Variants in HYDIN observed in about 807,000 individuals in gnomAD.
HYDIN encodes the protein HYDIN axonemal central pair apparatus protein, also known as axonemal central pair apparatus protein HYDIN.
HYDIN carries 132 observed loss-of-function variants against 403.9 expected under a neutral mutation model. The observed-to-expected ratio is 0.33, with a 90% confidence interval of 0.28 to 0.38. HYDIN has a LOEUF of 0.38. Ranked by LOEUF, HYDIN falls within the 10% of genes least tolerant of loss-of-function variation. The pLI, the probability that HYDIN is intolerant of heterozygous loss-of-function variation, is 1.00. For synonymous variants in HYDIN, 1,202 were observed against 1,891.7 expected, an observed-to-expected ratio of 0.64 and a Z score of 9.46; for missense variants, 2,827 against 5,009.5, an observed-to-expected ratio of 0.56 and a Z score of 13.15.
At chr16:70,946,482 T>C (rs1403998335) in intron 41 of HYDIN, among the ~76,000 whole-genome samples, 1 of 152,078 alleles carries the variant, frequency 6.6e-6, no homozygotes, top group Non-Finnish European at 1.5e-5. Context: ...TCCCCAGCTA[T>C]GTTCAGCTGG....
Position 70,818,328 on chromosome 16 carries a change from C to A in HYDIN, c.14658+14G>T, listed in dbSNP as rs762969260. The stretch of plus-strand genomic sequence containing the variant: ...ACAGCTCTCAGGGAGCCCCCGACAG[C>A]CAAGGGGCCGTACCTCGGAGTTGGC... On this transcript the variant is annotated intron_variant, in intron 84 of 85. Transcript: ENST00000393567. The A allele has an allele frequency of 2.1e-4, 343 of 1,601,866 alleles. No individual in the cohort carries two copies. Among genetic ancestry groups the A allele is most frequent in the Non-Finnish European group, 2.9e-4 (336 of 1,172,212 alleles).
At chr16:70,863,232 T>C in intron 67 of HYDIN, 50 bp from the exon 68 acceptor site, 2 of 1,578,646 alleles carry the variant, frequency 1.3e-6, no homozygotes, top group Non-Finnish European at 1.7e-6. Context: ...CAGGTGGTTT[T>C]GGTCCTGGCT....
intron 1 of HYDIN, among the ~76,000 whole-genome samples, chr16:71,214,479 G>T (rs2088768578): frequency 6.6e-6 from 1 of 152,112 alleles, no homozygotes; most frequent in Non-Finnish European, 1.5e-5. Context: ...ATTATTGGAG[G>T]ATTTTTGTAC....
At chr16:71,049,444 C>G (rs371039484) in intron 18 of HYDIN, among the ~76,000 whole-genome samples, 5 of 152,100 alleles carry the variant, frequency 3.3e-5, no homozygotes, top group African/African-American at 1.2e-4. Flanking sequence ...TCCAACATCC[C>G]CATGGGAGGA....
chr16:71,129,389 G>A (rs1472778295), intron 9 of HYDIN, among the ~76,000 whole-genome samples: 2 of 152,158 alleles, frequency 1.3e-5, no homozygotes, highest in African/African-American at 4.8e-5. Context: ...CAAATGAGAA[G>A]AACTGCATAA....
chr16:71,028,353 C>A (rs2080786610), intron 19 of HYDIN, among the ~76,000 whole-genome samples: 1 of 151,904 alleles, frequency 6.6e-6, no homozygotes, highest in Admixed American at 6.6e-5. Context: ...AGGGGGACTG[C>A]AATGGGCCAG....
rs1248678985 is a variant in HYDIN at position 70,879,594 on chromosome 16, G to C, written c.10367+11C>G. On this transcript the variant is annotated intron_variant, in intron 61 of 85. Coordinates refer to ENST00000393567, the MANE Select transcript of HYDIN (RefSeq NM_001270974.2). ...CTGCAGGAGAGGGAGCTGGGAGCTG[G>C]GAGTTGGTACCTGGGCAAGCCATCC... The C allele has an allele frequency of 6.2e-7, 1 of 1,613,330 alleles. No homozygotes were observed.
intron 65 of HYDIN, among the ~76,000 whole-genome samples, chr16:70,870,036 A>C (rs2040003514): frequency 6.6e-6 from 1 of 152,124 alleles, no homozygotes; most frequent in African/African-American, 2.4e-5. Context: ...TGTTTTAGCA[A>C]AGAGACTGGT....
In HYDIN at chr16:70,807,406, T is replaced by C. The variant is rs1344357323; in HGVS notation, c.*174A>G. 9 of 659,916 alleles carry C rather than the reference T, an allele frequency of 1.4e-5. No homozygotes were observed. Among genetic ancestry groups the C allele is most frequent in the African/African-American group, 1.8e-5 (1 of 54,992 alleles). 40.9% of individuals were successfully genotyped at this position (659,916 alleles called of 1,614,324 possible). A position where few individuals can be genotyped will look rare whatever the true frequency, so the allele number is the denominator to read the frequency against. ...TTGTGTGTAGTTATAATGTTTAATA[T>C]GGAATAGATATTTCATATCTATATT... On this transcript the variant is annotated 3_prime_UTR_variant, in exon 86 of 86. Transcript: ENST00000393567.
At chr16:71,211,169 G>A (rs367577280) in intron 1 of HYDIN, among the ~76,000 whole-genome samples, 3 of 152,064 alleles carry the variant, frequency 2.0e-5, no homozygotes, top group East Asian at 1.9e-4. Flanking sequence ...TCCTGGTGCT[G>A]AGCAGAAAAA....
chr16:71,037,232 G>A (rs535738318), intron 18 of HYDIN, among the ~76,000 whole-genome samples: 1 of 144,316 alleles, frequency 6.9e-6, no homozygotes, highest in South Asian at 2.2e-4. Flanking sequence ...ACAATGTTGG[G>A]CACAAAGCAA....
intron 18 of HYDIN, among the ~76,000 whole-genome samples, chr16:71,040,451 C>T (rs992263768): frequency 6.7e-6 from 1 of 148,886 alleles, no homozygotes; most frequent in South Asian, 2.2e-4. Flanking sequence ...GCCAGGAACC[C>T]CTTCATCAAA....
intron 84 of HYDIN, among the ~76,000 whole-genome samples, chr16:70,816,326 C>G (rs1335508789): frequency 6.6e-6 from 1 of 151,986 alleles, no homozygotes; most frequent in African/African-American, 2.4e-5. Flanking sequence ...TTAAGAAACT[C>G]TTCTAATAAC....
At chr16:70,947,385 G>A (rs1483776797) in intron 41 of HYDIN, among the ~76,000 whole-genome samples, 2 of 152,020 alleles carry the variant, frequency 1.3e-5, no homozygotes, top group Non-Finnish European at 2.9e-5. Flanking sequence ...TCCCAGGGAT[G>A]AAGCCCACTT....
chr16:71,093,166 A>G (rs1258321324), intron 11 of HYDIN, among the ~76,000 whole-genome samples: 1 of 152,168 alleles, frequency 6.6e-6, no homozygotes, highest in Non-Finnish European at 1.5e-5. Context: ...AACTTTCCCA[A>G]AATGAAGTTT....
intron 8 of HYDIN, among the ~76,000 whole-genome samples, chr16:71,130,470 G>GTTTTTTTTT (rs56853905): frequency 1.3e-5 from 1 of 75,786 alleles, no homozygotes. Context: ...ATATATACCG[G>GTTTTTTTTT]TTTTTTTTTT....
chr16:70,945,738 AG>A (rs1483152506), intron 41 of HYDIN, among the ~76,000 whole-genome samples: 1 of 152,080 alleles, frequency 6.6e-6, no homozygotes, highest in Admixed American at 6.6e-5. Flanking sequence ...TTCCAAGAGG[AG>A]GGGGTGATCA....
At chr16:70,863,524 C>A (rs1222264159) in intron 67 of HYDIN, among the ~76,000 whole-genome samples, 1 of 152,146 alleles carries the variant, frequency 6.6e-6, no homozygotes, top group Non-Finnish European at 1.5e-5. Context: ...CACAAGACAG[C>A]ACCTCCCTCA....
intron 76 of HYDIN, among the ~76,000 whole-genome samples, chr16:70,838,498 C>A (rs2037596750): frequency 6.6e-6 from 1 of 152,092 alleles, no homozygotes; most frequent in African/African-American, 2.4e-5. Flanking sequence ...TTCTCGATTT[C>A]TTGATAATGC....
Sources: gnomAD v4.1 joint callset for allele counts (sites outside exome capture counted in the v4.1 genomes callset) on GRCh38, gnomAD v4.1.1 for gene constraint, MANE v1.5 for transcripts, NCBI Gene and HGNC (gene_info 2026-07-23, HGNC 2026-07-21) for gene names.